Variants in CMYA5 observed in about 807,000 individuals in gnomAD.
CMYA5 encodes the protein cardiomyopathy-associated protein 5.
In CMYA5, 246 loss-of-function variants were observed where a neutral mutation model predicts 318.9. The observed-to-expected ratio is 0.77, with a 90% CI of 0.70 to 0.86. The LOEUF (loss-of-function observed/expected upper bound fraction) is 0.86. Among genes scored for constraint, CMYA5 ranks in the 40% least tolerant of loss-of-function variants. The probability of loss-of-function intolerance (pLI) is 0.00; values close to 1 mark genes in which losing one functional copy is unlikely to be tolerated. For synonymous variants in CMYA5, 1,641 were observed against 1,729.5 expected, an observed-to-expected ratio of 0.95 and a Z score of 1.27; for missense variants, 4,589 against 4,678.2, an observed-to-expected ratio of 0.98 and a Z score of 0.56.
At chr5:79,773,283 GT>G (rs1264659794) in intron 9 of CMYA5, among the ~76,000 whole-genome samples, 1 of 152,214 alleles carries the variant, frequency 6.6e-6, no homozygotes, top group African/African-American at 2.4e-5. Flanking sequence ...AGAAAAGTTA[GT>G]CTAGCTTTGA....
rs1272513343 is a variant in CMYA5 at position 79,734,959 on chromosome 5, TCTC to T, written c.6198_6200del (p.Ser2068del). 3 of 1,613,610 alleles carry T rather than the reference TCTC, an allele frequency of 1.9e-6. No individual in the cohort carries two copies. Among genetic ancestry groups the T allele is most frequent in the Non-Finnish European group, 1.7e-6 (2 of 1,179,750 alleles). On this transcript the variant is annotated inframe_deletion, in exon 2 of 13. Transcript: ENST00000446378. ...GTGGAACAGGTGAAGTCAGAAACAA[TCTC>T]CTCTTCTGTCAAAACAGCCCATTTC...
chr5:79,773,519 C>T (rs1828889924), intron 9 of CMYA5, among the ~76,000 whole-genome samples: 1 of 152,136 alleles, frequency 6.6e-6, no homozygotes, highest in African/African-American at 2.4e-5. Context: ...CATGCAAAAA[C>T]TCTATAGTAC....
rs1828102903 is a variant in CMYA5, at chr5:79,737,526, T to C, written c.8761T>C (p.Tyr2921His). 6.2e-7 allele frequency: 1 copy of C among 1,613,348 alleles called. No individual in the cohort carries two copies. Among genetic ancestry groups the C allele is most frequent in the African/African-American group, 1.3e-5 (1 of 74,882 alleles). Residue 2921 changes from tyrosine (Y) to histidine (H), a missense_variant, in exon 2 of 13, where the codon TAT (tyrosine) becomes CAT (histidine). Tyr to His is a moderately conservative substitution (Grantham distance 83, BLOSUM62 2). This residue lies in a region of CMYA5 where 2,431 missense variants were observed against 2,495.1 expected (regional missense o/e 0.97). Transcript: ENST00000446378. The stretch of plus-strand genomic sequence containing the variant: ...AATGCCCAAGGAACCTGAAGACACA[T>C]ATGCAAAAGGTGAAGACTTTACAGT... The part of the protein sequence containing the change: ...KEMPKEPEDT[Y>H]AKGEDFTVTS...
intron 9 of CMYA5, among the ~76,000 whole-genome samples, chr5:79,786,164 G>A (rs542107323): frequency 6.6e-6 from 1 of 152,226 alleles, no homozygotes; most frequent in South Asian, 2.1e-4. Context: ...TGGGCACAAT[G>A]CTCTGTGATA....
chr5:79,732,152 A>G lies in CMYA5; in HGVS notation c.3387A>G (p.Ser1129=), dbSNP rs376220156. The G allele has an allele frequency of 8.1e-6, 13 of 1,613,828 alleles. No individual in the cohort carries two copies. Among genetic ancestry groups the G allele is most frequent in the Admixed American group, 1.7e-5 (1 of 59,978 alleles). ...CTGAGTCTGAAGACTTGATTCCTTC[A>G]CATTTAACCAGTGAAGTGGAGAAGG... ...LEPESEDLIP[S]HLTSEVEKGE... is the part of the protein sequence containing the mutation. Residue 1129 remains serine, a synonymous_variant, in exon 2 of 13, where the codon TCA becomes TCG. Coordinates refer to ENST00000446378, the MANE Select transcript of CMYA5 (RefSeq NM_153610.5).
intron 2 of CMYA5, among the ~76,000 whole-genome samples, chr5:79,742,158 T>G (rs985708085): frequency 1.4e-5 from 2 of 138,644 alleles, no homozygotes; most frequent in Non-Finnish European, 1.6e-5. Context: ...CCCTCTTCCT[T>G]TCCCCCCTCC....
In CMYA5 at chr5:79,729,093, G is replaced by A. The variant is rs142798456; in HGVS notation, c.328G>A (p.Glu110Lys). The change falls in exon 2 of 13, where the codon GAA becomes AAA. Residue 110 changes from glutamate (E) to lysine (K), a missense_variant. Physicochemically the swap from Glu to Lys is moderately conservative, Grantham distance 56 (BLOSUM62 1). Transcript: ENST00000446378. ...TCAGACTTCTGGTGTGTGTAGTCGG[G>A]AAGGGTCAACTGTGAATTCTCCTCC... ...ESQTSGVCSREGSTVNSPPGN... is the reference protein window; with the variant it reads ...ESQTSGVCSRKGSTVNSPPGN... 325 of 1,613,704 alleles carry A rather than the reference G, an allele frequency of 2.0e-4. 1 individual carries two copies. In the African/African-American group the frequency reaches 3.6e-3, roughly 18 times the overall value.
At chr5:79,764,746 A>G (rs1173331739) in intron 9 of CMYA5, among the ~76,000 whole-genome samples, 3 of 152,180 alleles carry the variant, frequency 2.0e-5, no homozygotes, top group Non-Finnish European at 4.4e-5. Context: ...ATGACCAGTG[A>G]TGATGAGCTT....
intron 2 of CMYA5, among the ~76,000 whole-genome samples, chr5:79,740,545 T>C (rs1175833050): frequency 6.6e-6 from 1 of 152,266 alleles, no homozygotes; most frequent in Non-Finnish European, 1.5e-5. Context: ...ACTTTCTTTG[T>C]ATTTCCTTTT....
intron 1 of CMYA5, among the ~76,000 whole-genome samples, chr5:79,728,521 G>C (rs1580763697): frequency 1.3e-5 from 2 of 152,026 alleles, no homozygotes; most frequent in African/African-American, 4.8e-5. Context: ...TGAAAAGCTG[G>C]GTGAGGTGGC....
Position 79,722,447 on chromosome 5 carries a change from T to A in CMYA5, c.150-6468T>A, listed in dbSNP as rs1003517591. Among the ~76,000 whole-genome samples, 4 of 152,064 alleles carry A rather than the reference T, an allele frequency of 2.6e-5. No individual in the cohort carries two copies. In the South Asian group the frequency reaches 8.3e-4, roughly 32 times the overall value. The stretch of plus-strand genomic sequence containing the variant: ...ATCCCAGCACTTTGGGAGACTGAGC[T>A]GGGCAGATCACTTGGGGTCAGGAGT... On this transcript the variant is annotated intron_variant, in intron 1 of 12. Transcript: ENST00000446378.
rs950623044 is a variant in CMYA5, at chr5:79,731,453, T to G, written c.2688T>G (p.Ser896=). 3.1e-6 allele frequency: 5 copies of G among 1,610,428 alleles called. No homozygotes were observed. Among genetic ancestry groups the G allele is most frequent in the Admixed American group, 3.3e-5 (2 of 59,828 alleles). ...TCGAGTTGGAACGATACACACCCTCTTCTACATCTGCTTCTGAATTTTCAG... is the reference window on the plus strand; with the variant it reads ...TCGAGTTGGAACGATACACACCCTCGTCTACATCTGCTTCTGAATTTTCAG... The part of the protein sequence containing the change: ...EAVELERYTP[S]STSASEFSVP... Residue 896 remains serine (S), a synonymous_variant, in exon 2 of 13, where the codon TCT becomes TCG. Transcript: ENST00000446378.
At chr5:79,717,477 A>T (rs534625764) in intron 1 of CMYA5, among the ~76,000 whole-genome samples, 2 of 152,334 alleles carry the variant, frequency 1.3e-5, no homozygotes, top group South Asian at 4.1e-4. Flanking sequence ...GGCTTGCAGC[A>T]TCATTGATGG....
Position 79,761,200 on chromosome 5 carries a change from G to A in CMYA5, c.11261-611G>A, listed in dbSNP as rs1211972481. 2.0e-5 allele frequency among the ~76,000 whole-genome samples: 3 copies of A among 152,094 alleles called. No homozygotes were observed. The East Asian group carries it at 5.8e-4, about 29-fold the overall frequency. On this transcript the variant is annotated intron_variant, in intron 7 of 12. Transcript: ENST00000446378. ...TAAGATATTTTTTAAAATTTTTGAA[G>A]GCAAATGTCTTAATTGGACAAAGTT...
At position 79,745,347 on chromosome 5, in the gene CMYA5, C is replaced by T. The variant is rs1435675735; in HGVS notation, c.10860C>T (p.Phe3620=). 4 of 1,613,796 alleles carry T rather than the reference C, an allele frequency of 2.5e-6. No homozygotes were observed. In the Admixed American group the frequency reaches 6.7e-5, roughly 27 times the overall value. The change falls in exon 4 of 13, where the codon TTC becomes TTT. Residue 3620 remains phenylalanine (F), a synonymous_variant. Coordinates refer to ENST00000446378, the MANE Select transcript of CMYA5 (RefSeq NM_153610.5). ...AAGTGAAGAAGAAGAAGATGGAGTTCCTGCATGAGCAGATGGTCCACTTTC... is the reference window on the plus strand; with the variant it reads ...AAGTGAAGAAGAAGAAGATGGAGTTTCTGCATGAGCAGATGGTCCACTTTC... ...FEEVKKKKME[F]LHEQMVHFLQ...
rs761155364 is a variant in CMYA5 at position 79,739,074 on chromosome 5, T to G, written c.10309T>G (p.Leu3437Val). 2 of 1,613,900 alleles carry G rather than the reference T, an allele frequency of 1.2e-6. No individual in the cohort carries two copies. The highest frequency in any genetic ancestry group is 4.5e-5 in the East Asian group (2 of 44,884). The change falls in exon 2 of 13, where the codon TTA (leucine) becomes GTA (valine). Residue 3437 changes from leucine to valine, a missense_variant. This residue lies in a region of CMYA5 where 2,431 missense variants were observed against 2,495.1 expected (regional missense o/e 0.97). Transcript: ENST00000446378. ...LHNEVVPQDI[L>V]SEELSSESTP... ...TAATGAAGTGGTTCCTCAAGACATA[T>G]TATCAGAAGAACTGTCTTCAGAATC...
At chr5:79,710,343 C>T (rs569718788) in intron 1 of CMYA5, among the ~76,000 whole-genome samples, 1 of 151,718 alleles carries the variant, frequency 6.6e-6, no homozygotes, top group African/African-American at 2.4e-5. Context: ...TTGCTACTAC[C>T]CTAAATATTG....
At chr5:79,767,362 T>C (rs986963265) in intron 9 of CMYA5, among the ~76,000 whole-genome samples, 2 of 152,224 alleles carry the variant, frequency 1.3e-5, no homozygotes, top group African/African-American at 4.8e-5. Context: ...ATTTGTTTGC[T>C]CTTGCTTCTC....
intron 1 of CMYA5, among the ~76,000 whole-genome samples, chr5:79,707,759 G>A (rs182491522): frequency 1.3e-5 from 2 of 152,178 alleles, no homozygotes; most frequent in Non-Finnish European, 2.9e-5. Context: ...GGAAAGGAAG[G>A]GGAAGTAATT....
Sources: allele counts gnomAD v4.1 joint callset (sites outside exome capture counted in the v4.1 genomes callset), GRCh38; gene constraint gnomAD v4.1.1; regional missense constraint gnomAD v4.1.1; transcripts MANE v1.5; gene names NCBI Gene and HGNC (gene_info 2026-07-23, HGNC 2026-07-21).